AUTS2: variants seen among roughly 807,000 people sequenced by gnomAD.
AUTS2 encodes activator of transcription and developmental regulator AUTS2, also known as autism susceptibility gene 2 protein.
AUTS2 carries 17 observed loss-of-function variants against 112.4 expected under a neutral mutation model. The observed-to-expected ratio is 0.15, with a 90% CI of 0.10 to 0.23. The LOEUF (loss-of-function observed/expected upper bound fraction) is 0.23. Ranked by LOEUF, AUTS2 falls within the 10% of genes least tolerant of loss-of-function variation. AUTS2 has a pLI of 1.00. For missense variants in AUTS2, 1,510 were observed against 1,701.6 expected, an observed-to-expected ratio of 0.89 and a Z score of 1.98; for synonymous variants, 751 against 702.7, an observed-to-expected ratio of 1.07 and a Z score of -1.09.
At position 70,485,059 on chromosome 7, in the gene AUTS2, T is replaced by C. The variant is rs966668735; in HGVS notation, c.690+49278T>C. On this transcript the variant is annotated intron_variant, in intron 5 of 18. Transcript: ENST00000342771. The stretch of plus-strand genomic sequence containing the variant: ...GGAATGTAAACTGGTACAACCACTA[T>C]GGAAAACAGTATGGAGATTCCTTAA... Among the ~76,000 whole-genome samples the C allele has an allele frequency of 4.6e-5, 7 of 152,316 alleles. No individual in the cohort carries two copies. In the South Asian group the frequency reaches 8.3e-4, roughly 18 times the overall value.
intron 1 of AUTS2, among the ~76,000 whole-genome samples, chr7:69,850,437 T>TAAAAAAAAAAAAAAAA (rs1792425837): frequency 2.4e-5 from 1 of 42,244 alleles, no homozygotes; most frequent in African/African-American, 7.6e-5. Context: ...AAAAAAAAAG[T>TAAAAAAAAAAAAAAAA]CAGACTTTTC....
chr7:69,896,363 C>T (rs1293221064), intron 1 of AUTS2, among the ~76,000 whole-genome samples: 1 of 152,176 alleles, frequency 6.6e-6, no homozygotes, highest in African/African-American at 2.4e-5. Context: ...TCTCCGATGG[C>T]AGAGGGTTAA....
intron 2 of AUTS2, among the ~76,000 whole-genome samples, chr7:70,097,277 A>C (rs1804254818): frequency 6.6e-6 from 1 of 152,214 alleles, no homozygotes; most frequent in African/African-American, 2.4e-5. Context: ...TATTTGCATG[A>C]ACGGAGATGT....
intron 5 of AUTS2, among the ~76,000 whole-genome samples, chr7:70,597,474 G>A (rs542185231): frequency 6.6e-4 from 100 of 152,192 alleles, no homozygotes; most frequent in Non-Finnish European, 1.2e-3. Context: ...TGTAAATGTT[G>A]ATAGCTGAAG....
intron 5 of AUTS2, among the ~76,000 whole-genome samples, chr7:70,441,089 C>T (rs970472662): frequency 1.3e-5 from 2 of 152,172 alleles, no homozygotes; most frequent in African/African-American, 4.8e-5. Context: ...GCCACCCATG[C>T]TTATGTCTGT....
chr7:70,622,200 T>C (rs1043776285), intron 5 of AUTS2, among the ~76,000 whole-genome samples: 6 of 152,062 alleles, frequency 3.9e-5, no homozygotes, highest in Non-Finnish European at 7.3e-5. Flanking sequence ...GGAGCGGAGA[T>C]GTCCTGGCAA....
intron 5 of AUTS2, among the ~76,000 whole-genome samples, chr7:70,573,106 C>A (rs373846754): frequency 3.9e-5 from 6 of 152,312 alleles, no homozygotes; most frequent in African/African-American, 1.4e-4. Context: ...CTGGTTTATT[C>A]ATGGAAAACA....
chr7:70,281,327 G>T (rs1392737867), intron 4 of AUTS2, among the ~76,000 whole-genome samples: 1 of 152,194 alleles, frequency 6.6e-6, no homozygotes, highest in African/African-American at 2.4e-5. Flanking sequence ...TGCTTTACCT[G>T]TAATACAGAG....
intron 4 of AUTS2, among the ~76,000 whole-genome samples, chr7:70,179,781 C>T (rs1271832276): frequency 6.6e-6 from 1 of 152,120 alleles, no homozygotes; most frequent in Admixed American, 6.5e-5. Context: ...CTTGGTATAA[C>T]CTTCATTGCA....
chr7:70,775,338 T>C lies in AUTS2; in HGVS notation c.1903-19T>C. 1 of 1,610,508 alleles carries C rather than the reference T, an allele frequency of 6.2e-7. No homozygotes were observed. The highest frequency in any genetic ancestry group is 1.3e-5 in the African/African-American group (1 of 74,922). On this transcript the variant is annotated intron_variant, in intron 12 of 18. Coordinates refer to ENST00000342771, the MANE Select transcript of AUTS2 (RefSeq NM_015570.4). ...TTGAGTGACAGGCATGTAACCAAGT[T>C]GTCATTTTCTCTTCACAGTTGACAG...
chr7:70,261,036 C>T (rs562008280), intron 4 of AUTS2, among the ~76,000 whole-genome samples: 34 of 152,244 alleles, frequency 2.2e-4, no homozygotes, highest in African/African-American at 7.7e-4. Flanking sequence ...TGTGAGCCAC[C>T]GCGCCCGGCC....
chr7:69,770,549 G>GCATGTAGAGTGAGCTACATGA (rs978430637), intron 1 of AUTS2, among the ~76,000 whole-genome samples: 48 of 152,224 alleles, frequency 3.2e-4, no homozygotes, highest in African/African-American at 8.4e-4. Flanking sequence ...GAGCTACATG[G>GCATGTAGAGTGAGCTACATGA]CATGTAGAGT....
chr7:69,729,427 C>A (rs919602428), intron 1 of AUTS2, among the ~76,000 whole-genome samples: 1 of 145,858 alleles, frequency 6.9e-6, no homozygotes, highest in Non-Finnish European at 1.5e-5. Flanking sequence ...ACACCCCCCC[C>A]CCCATTTTTA....
intron 5 of AUTS2, among the ~76,000 whole-genome samples, chr7:70,545,295 C>T (rs12536254): frequency 0.023 from 3,545 of 152,256 alleles, 122 homozygotes; most frequent in Admixed American, 0.1. Context: ...GGCTTTTGGA[C>T]GCAAAGCAGC....
chr7:69,799,379 A>G (rs894653608), intron 1 of AUTS2, among the ~76,000 whole-genome samples: 4 of 152,070 alleles, frequency 2.6e-5, no homozygotes, highest in Non-Finnish European at 5.9e-5. Context: ...TCCCACCTCT[A>G]CCTTCTGAGT....
At chr7:70,215,402 A>G (rs1047207725) in intron 4 of AUTS2, among the ~76,000 whole-genome samples, 6 of 152,248 alleles carry the variant, frequency 3.9e-5, no homozygotes, top group Non-Finnish European at 1.5e-5. Flanking sequence ...GCAAAGTTCC[A>G]CAGGGCCAGA....
At chr7:70,617,948 T>C (rs747255536) in intron 5 of AUTS2, among the ~76,000 whole-genome samples, 1 of 152,204 alleles carries the variant, frequency 6.6e-6, no homozygotes, top group Non-Finnish European at 1.5e-5. Context: ...TGATTGTCTT[T>C]CTGCTTCACA....
At chr7:69,825,738 G>C (rs537671839) in intron 1 of AUTS2, 4 of 152,108 alleles carry the variant, frequency 2.6e-5, no homozygotes, top group African/African-American at 9.7e-5. Context: ...TCAGTGGTCC[G>C]TAAGGGAGCA....
intron 4 of AUTS2, among the ~76,000 whole-genome samples, chr7:70,349,683 C>T (rs915756674): frequency 6.6e-6 from 1 of 151,646 alleles, no homozygotes; most frequent in African/African-American, 2.4e-5. Flanking sequence ...CACATGGTGC[C>T]TGGTATCTTC....
Sources: gnomAD v4.1 joint callset for allele counts (sites outside exome capture counted in the v4.1 genomes callset) on GRCh38, gnomAD v4.1.1 for gene constraint, MANE v1.5 for transcripts, NCBI Gene and HGNC (gene_info 2026-07-23, HGNC 2026-07-21) for gene names.